LRBA: variants seen among roughly 807,000 people sequenced by gnomAD.
The protein encoded by LRBA is LPS responsive beige-like anchor protein.
In LRBA, 176 loss-of-function variants were observed where a neutral mutation model predicts 330.0. The observed-to-expected ratio is 0.53, with a 90% CI of 0.47 to 0.60. LRBA has a LOEUF of 0.60. Among genes scored for constraint, LRBA ranks in the 20% least tolerant of loss-of-function variants. The pLI is 0.00. For missense variants in LRBA, 3,259 were observed against 3,444.8 expected (o/e 0.95, Z 1.35); for synonymous variants, 1,230 against 1,193.0 (o/e 1.03, Z -0.64).
rs926806974 is a variant in LRBA at position 150,356,285 on chromosome 4, A to T, written c.7195-6126T>A. Among the ~76,000 whole-genome samples the T allele has an allele frequency of 5.9e-5, 9 of 152,222 alleles. No individual in the cohort carries two copies. The South Asian group carries it at 1.9e-3, about 32-fold the overall frequency. On this transcript the variant is annotated intron_variant, in intron 47 of 56. Coordinates refer to ENST00000651943, the MANE Select transcript of LRBA (RefSeq NM_001364905.1). ...GGAAAAGTTTAGCCTGTTCAAACAA[A>T]GCAAGAGCAGCCACTTTGCGGAAAG...
chr4:150,692,246 T>C (rs1225413712), intron 36 of LRBA, among the ~76,000 whole-genome samples: 1 of 152,136 alleles, frequency 6.6e-6, no homozygotes, highest in Non-Finnish European at 1.5e-5. Context: ...TCAGGCAGGA[T>C]TTCACTCTAT....
chr4:150,617,879 G>A (rs560784224), intron 37 of LRBA, among the ~76,000 whole-genome samples: 1 of 152,252 alleles, frequency 6.6e-6, no homozygotes, highest in African/African-American at 2.4e-5. Flanking sequence ...GCCAAGGTGG[G>A]CCAGACTGCT....
chr4:150,350,084 G>A lies in LRBA; in HGVS notation c.7270C>T (p.Pro2424Ser). Reference sequence around the variant, plus strand: ...ACATTGAGGGCTCGGACAGCTTCTGGTCCTTGCTGTTTATAGCCAAAAATG... The same window carrying A: ...ACATTGAGGGCTCGGACAGCTTCTGATCCTTGCTGTTTATAGCCAAAAATG... ...DLIFGYKQQG[P>S]EAVRALNVFY... Residue 2424 changes from proline (P) to serine (S), a missense_variant, in exon 48 of 57, where the codon CCA becomes TCA. Physicochemically the swap from Pro to Ser is moderately conservative, Grantham distance 74. Transcript: ENST00000651943. 2 of 1,610,414 alleles carry A rather than the reference G, an allele frequency of 1.2e-6. No individual in the cohort carries two copies. The highest frequency in any genetic ancestry group is 1.7e-6 in the Non-Finnish European group (2 of 1,178,710).
chr4:150,921,829 G>A (rs1440362040), intron 4 of LRBA, among the ~76,000 whole-genome samples: 2 of 152,094 alleles, frequency 1.3e-5, no homozygotes, highest in Non-Finnish European at 2.9e-5. Context: ...AGGTTCAAGC[G>A]ATTCTCCTGC....
At chr4:150,573,860 T>G (rs899240281) in intron 40 of LRBA, among the ~76,000 whole-genome samples, 1 of 152,150 alleles carries the variant, frequency 6.6e-6, no homozygotes, top group Non-Finnish European at 1.5e-5. Flanking sequence ...TGAAAACCAC[T>G]TCCCTGCTTA....
chr4:150,864,243 T>C (rs1752390472), intron 22 of LRBA, among the ~76,000 whole-genome samples: 1 of 152,098 alleles, frequency 6.6e-6, no homozygotes, highest in Admixed American at 6.5e-5. Context: ...GGCAACACTT[T>C]ACATTCTTAA....
At chr4:150,674,525 T>C (rs1782358493) in intron 37 of LRBA, among the ~76,000 whole-genome samples, 1 of 152,146 alleles carries the variant, frequency 6.6e-6, no homozygotes, top group African/African-American at 2.4e-5. Context: ...ATAATGTTTG[T>C]AAAGGGCTCA....
intron 44 of LRBA, among the ~76,000 whole-genome samples, chr4:150,441,781 T>C (rs973568133): frequency 3.5e-5 from 5 of 141,636 alleles, no homozygotes; most frequent in African/African-American, 1.2e-4. Context: ...GGCCATGTTA[T>C]GTATTTATAT....
At chr4:150,919,250 G>A (rs891481803) in intron 5 of LRBA, among the ~76,000 whole-genome samples, 6 of 152,034 alleles carry the variant, frequency 3.9e-5, no homozygotes, top group African/African-American at 1.2e-4. Flanking sequence ...GTTTCTTTTG[G>A]GTGTGATGAG....
At position 150,366,034 on chromosome 4, in the gene LRBA, AT is replaced by A. The variant is rs545024632; in HGVS notation, c.7195-15876del. Among the ~76,000 whole-genome samples the A allele has an allele frequency of 8.5e-5, 13 of 152,216 alleles. No individual in the cohort carries two copies. The East Asian group carries it at 2.1e-3, about 25-fold the overall frequency. On this transcript the variant is annotated intron_variant, in intron 47 of 56. Coordinates refer to ENST00000651943, the MANE Select transcript of LRBA (RefSeq NM_001364905.1). ...TCAAACTATTCAAAATATTGATTAG[AT>A]TTTTTTATTTTAAAAAATGTATAGC...
chr4:150,891,337 ATAAAT>A (rs1729437747), intron 17 of LRBA, among the ~76,000 whole-genome samples: 1 of 152,258 alleles, frequency 6.6e-6, no homozygotes, highest in African/African-American at 2.4e-5. Context: ...CAGCAAAACT[ATAAAT>A]AAATAACAAA....
intron 47 of LRBA, among the ~76,000 whole-genome samples, chr4:150,350,612 A>G (rs1386114444): frequency 6.6e-6 from 1 of 151,714 alleles, no homozygotes; most frequent in Non-Finnish European, 1.5e-5. Flanking sequence ...CCTAGTTTCT[A>G]CCAGAATCTG....
At chr4:150,448,373 C>A (rs1752869582) in intron 44 of LRBA, among the ~76,000 whole-genome samples, 1 of 152,114 alleles carries the variant, frequency 6.6e-6, no homozygotes. Context: ...CATTTTTGTA[C>A]TAATCAGAGA....
At chr4:150,981,395 G>T (rs1392473640) in intron 2 of LRBA, among the ~76,000 whole-genome samples, 3 of 141,828 alleles carry the variant, frequency 2.1e-5, no homozygotes, top group Non-Finnish European at 3.0e-5. Context: ...CCTCGGCGAC[G>T]GAGTGAGACT....
intron 37 of LRBA, among the ~76,000 whole-genome samples, chr4:150,627,655 T>C (rs926403988): frequency 6.6e-6 from 1 of 152,088 alleles, no homozygotes; most frequent in African/African-American, 2.4e-5. Flanking sequence ...CAACAAATTA[T>C]GCAAGGTTGG....
intron 40 of LRBA, among the ~76,000 whole-genome samples, chr4:150,555,871 C>T (rs111380341): frequency 3.2e-4 from 49 of 152,018 alleles, no homozygotes; most frequent in African/African-American, 9.6e-4. Flanking sequence ...GGTGCAATCG[C>T]GGCTCACTGC....
At chr4:150,792,518 T>C (rs1003923540) in intron 34 of LRBA, among the ~76,000 whole-genome samples, 1 of 152,148 alleles carries the variant, frequency 6.6e-6, no homozygotes, top group African/African-American at 2.4e-5. Context: ...TATTTATTTA[T>C]TTATTTTTGA....
chr4:150,713,717 G>T (rs983230243), intron 36 of LRBA, among the ~76,000 whole-genome samples: 2 of 152,130 alleles, frequency 1.3e-5, no homozygotes, highest in Non-Finnish European at 2.9e-5. Context: ...CGTAAGTGAT[G>T]ATCTAAAGCA....
At chr4:150,969,705 A>C (rs1338887015) in intron 2 of LRBA, among the ~76,000 whole-genome samples, 1 of 152,104 alleles carries the variant, frequency 6.6e-6, no homozygotes, top group African/African-American at 2.4e-5. Flanking sequence ...CCTGGGCTCA[A>C]GTTATCCACC....
Sources: allele counts gnomAD v4.1 joint callset (sites outside exome capture counted in the v4.1 genomes callset), GRCh38; gene constraint gnomAD v4.1.1; transcripts MANE v1.5; gene names NCBI Gene and HGNC (gene_info 2026-07-23, HGNC 2026-07-21).